The following TRIM37 variants were observed in gnomAD, a reference collection of about 807,000 sequenced individuals.
The protein encoded by TRIM37 is E3 ubiquitin-protein ligase TRIM37.
In TRIM37, 80 loss-of-function variants were observed where a neutral mutation model predicts 129.8. The observed-to-expected ratio is 0.62, with a 90% CI of 0.51 to 0.74. TRIM37 has a LOEUF of 0.74. Ranked by LOEUF, TRIM37 falls within the 30% of genes least tolerant of loss-of-function variation. The pLI is 0.00. For missense variants in TRIM37, 1,054 were observed against 1,176.5 expected, an observed-to-expected ratio of 0.90 and a Z score of 1.52; for synonymous variants, 389 against 387.1, an observed-to-expected ratio of 1.00 and a Z score of -0.06.
intron 3 of TRIM37, 30 bp from the exon 4 acceptor site, chr17:59,088,437 A>G: frequency 3.3e-6 from 4 of 1,212,154 alleles, no homozygotes; most frequent in Non-Finnish European, 4.9e-6. Flanking sequence ...ACATACACTA[A>G]TTCAGGAATT....
At chr17:59,044,660 T>C (rs191230336) in intron 16 of TRIM37, among the ~76,000 whole-genome samples, 3 of 152,332 alleles carry the variant, frequency 2.0e-5, no homozygotes, top group East Asian at 3.9e-4. Context: ...ACTACTTACA[T>C]AGCATTTGCA....
chr17:59,027,153 G>T lies in TRIM37; in HGVS notation c.2257+1262C>A, dbSNP rs77588140. Among the ~76,000 whole-genome samples, 200 of 152,126 alleles carry T rather than the reference G, an allele frequency of 1.3e-3. 4 individuals are homozygous for T. The East Asian group carries it at 0.036, about 27-fold the overall frequency. Reference sequence around the variant, plus strand: ...AGTTTCAAAGTTGTGTACCATTCACGTGTCTATGACATTTTACTAGGATAT... The same window carrying T: ...AGTTTCAAAGTTGTGTACCATTCACTTGTCTATGACATTTTACTAGGATAT... On this transcript the variant is annotated intron_variant, in intron 19 of 23. Coordinates refer to ENST00000262294, the MANE Select transcript of TRIM37 (RefSeq NM_015294.6).
chr17:59,084,300 T>C (rs574608806), intron 4 of TRIM37, among the ~76,000 whole-genome samples: 1 of 152,344 alleles, frequency 6.6e-6, no homozygotes, highest in South Asian at 2.1e-4. Context: ...ATCTGGACTT[T>C]ATAATCACAT....
At chr17:59,101,594 A>G in intron 2 of TRIM37, among the ~76,000 whole-genome samples, 1 of 146,746 alleles carries the variant, frequency 6.8e-6, no homozygotes. Context: ...CAAGGAGGGA[A>G]GATCAGTTGA....
chr17:59,045,588 G>A (rs556504227), intron 16 of TRIM37, among the ~76,000 whole-genome samples: 8 of 147,064 alleles, frequency 5.4e-5, no homozygotes, highest in Non-Finnish European at 1.2e-4. Flanking sequence ...GCAGTGAGCC[G>A]AGATCATGCC....
intron 3 of TRIM37, 124 bp downstream of exon 3, chr17:59,091,176 A>ACT: frequency 2.1e-6 from 1 of 485,388 alleles, no homozygotes; most frequent in Non-Finnish European, 3.7e-6. Flanking sequence ...GCTTATTTCT[A>ACT]CTCAACTATC....
At chr17:59,101,649 T>C (rs1454350387) in intron 2 of TRIM37, among the ~76,000 whole-genome samples, 1 of 79,356 alleles carries the variant, frequency 1.3e-5, no homozygotes, top group Non-Finnish European at 2.2e-5. Flanking sequence ...TGAAACCCCA[T>C]CTCTACAAAA....
In TRIM37 at chr17:59,044,428, G is replaced by A. The variant is rs562703714; in HGVS notation, c.1668-2530C>T. Among the ~76,000 whole-genome samples the A allele has an allele frequency of 4.6e-5, 7 of 152,212 alleles. No homozygotes were observed. The South Asian group carries it at 1.5e-3, about 32-fold the overall frequency. On this transcript the variant is annotated intron_variant, in intron 16 of 23. Coordinates refer to ENST00000262294, the MANE Select transcript of TRIM37 (RefSeq NM_015294.6). ...CTACAAAAAATTAGTCGGGCGTAGT[G>A]GCAGGCGTGTATAATCCCAGCTACT...
At chr17:59,015,014 G>A (rs2035737719) in intron 21 of TRIM37, among the ~76,000 whole-genome samples, 1 of 148,502 alleles carries the variant, frequency 6.7e-6, no homozygotes, top group Non-Finnish European at 1.5e-5. Context: ...GAGGCGGAGC[G>A]TGCAGTGAGC....
chr17:59,018,718 C>T (rs1364330801), intron 19 of TRIM37, among the ~76,000 whole-genome samples: 1 of 150,870 alleles, frequency 6.6e-6, no homozygotes, highest in African/African-American at 2.4e-5. Flanking sequence ...ATAATAGTAG[C>T]TGTGTTTTTT....
chr17:58,980,814 A>G (rs142555673), downstream of TRIM37: 8,307 of 1,614,204 alleles, frequency 5.1e-3, 36 homozygotes, highest in Middle Eastern at 6.8e-3. The surrounding 1 kb of genome is among the most constrained non-coding windows in gnomAD (Gnocchi z 4.7). Context: ...TTCAGGTTTA[A>G]TCCAAAGTTT....
chr17:59,086,007 A>G (rs1274506954), intron 4 of TRIM37, among the ~76,000 whole-genome samples: 1 of 152,128 alleles, frequency 6.6e-6, no homozygotes, highest in Non-Finnish European at 1.5e-5. Flanking sequence ...CAGAAAGTAC[A>G]ATGGTGGCTG....
chr17:58,985,719 A>G (rs2031742618), intron 24 of TRIM37, among the ~76,000 whole-genome samples: 1 of 152,204 alleles, frequency 6.6e-6, no homozygotes, highest in Non-Finnish European at 1.5e-5. Context: ...AAACGAGTCA[A>G]CCTTGTCAAT....
At chr17:58,979,629 C>A (rs1334883276), downstream of TRIM37, among the ~76,000 whole-genome samples, 1 of 152,170 alleles carries the variant, frequency 6.6e-6, no homozygotes, top group African/African-American at 2.4e-5. Context: ...TGTCTTCCTA[C>A]ACAGTGTACT....
chr17:59,076,958 T>C (rs985079841), intron 7 of TRIM37, among the ~76,000 whole-genome samples: 1 of 152,116 alleles, frequency 6.6e-6, no homozygotes, highest in African/African-American at 2.4e-5. Flanking sequence ...CCGGTTAATT[T>C]TGTATTTTTA....
At chr17:59,077,537 G>C (rs916702957) in intron 7 of TRIM37, among the ~76,000 whole-genome samples, 1 of 151,988 alleles carries the variant, frequency 6.6e-6, no homozygotes, top group Middle Eastern at 3.4e-3. Flanking sequence ...AGAGGCCGGG[G>C]GTGGTGGCTC....
chr17:59,089,446 T>C (rs778461335), intron 3 of TRIM37, among the ~76,000 whole-genome samples: 1 of 152,064 alleles, frequency 6.6e-6, no homozygotes, highest in South Asian at 2.1e-4. Context: ...ATCAAGACCA[T>C]CCTGGCCAAC....
chr17:58,968,175 G>C, the TRIM37 span, among the ~76,000 whole-genome samples: 5 of 152,170 alleles, frequency 3.3e-5, no homozygotes, highest in East Asian at 7.7e-4. Flanking sequence ...GTTGTAATGT[G>C]TGTGTTAGAC....
rs1297356368 is a variant in TRIM37 at position 58,998,498 on chromosome 17, C to A, written c.*879G>T. ...GGCTAATTATGAGTATGAAAGAAAA[C>A]CTTATATCACAGTTTCACGTTCATG... On this transcript the variant is annotated 3_prime_UTR_variant, in exon 24 of 24. Transcript: ENST00000262294. The A allele has an allele frequency of 1.0e-6, 1 of 985,338 alleles. No homozygotes were observed. The highest frequency in any genetic ancestry group is 1.2e-6 in the Non-Finnish European group (1 of 829,928). The allele number at this position is 985,338 out of a possible 1,614,324, so 61.0% of individuals were successfully genotyped here.
Sources: allele counts gnomAD v4.1 joint callset (sites outside exome capture counted in the v4.1 genomes callset), GRCh38; gene constraint gnomAD v4.1.1; non-coding constraint Gnocchi (gnomAD v3.1); transcripts MANE v1.5; gene names NCBI Gene and HGNC (gene_info 2026-07-23, HGNC 2026-07-21).